SYNE2: variants seen among roughly 807,000 people sequenced by gnomAD.
The protein encoded by SYNE2 is spectrin repeat containing nuclear envelope protein 2, also known as nesprin-2.
Under a neutral mutation model 856.3 loss-of-function variants are expected in SYNE2, and 431 were observed. The ratio of observed to expected loss-of-function variants is 0.50; its 90% CI spans 0.47 to 0.55. The LOEUF is 0.55. SYNE2 is among the 20% of genes least tolerant of loss of function. The pLI, the probability that SYNE2 is intolerant of heterozygous loss-of-function variation, is 0.00. For missense variants in SYNE2, 8,129 were observed against 8,023.2 expected (o/e 1.01, Z -0.50); for synonymous variants, 2,923 against 2,872.3 (o/e 1.02, Z -0.56).
rs7140414 is a variant in SYNE2, at chr14:64,125,072, C to G, written c.13423-7C>G. 8,715 of 1,613,968 alleles carry G rather than the reference C, an allele frequency of 5.4e-3. 416 individuals are homozygous for G. The African/African-American group carries it at 0.1, about 19-fold the overall frequency. ...TGTCAGTAATAGGGTTTTCCTTTGT[C>G]AAATAGGTTTCCACAAATATGGGTA... On this transcript the variant is annotated splice_region_variant and splice_polypyrimidine_tract_variant and intron_variant, in intron 70 of 115. Transcript: ENST00000555002.
Position 64,010,060 on chromosome 14 carries a change from A to T in SYNE2, c.4672A>T (p.Ile1558Phe), listed in dbSNP as rs781515176. The change falls in exon 32 of 116, where the codon ATC (isoleucine) becomes TTC (phenylalanine). Residue 1558 changes from isoleucine to phenylalanine, a missense_variant. Coordinates refer to ENST00000555002, the MANE Select transcript of SYNE2 (RefSeq NM_182914.3). ...TTTGATTCAAAAAGAAGAGAGTGTC[A>T]TCTCCCTGCAGGCTTCGTACATGGG... is the stretch of plus-strand genomic sequence containing the variant. ...TTLIQKEESV[I>F]SLQASYMGKE... 1.2e-6 allele frequency: 2 copies of T among 1,614,090 alleles called. No individual in the cohort carries two copies. Among genetic ancestry groups the T allele is most frequent in the African/African-American group, 1.3e-5 (1 of 75,042 alleles).
chr14:63,771,745 A>G (rs1414935510), intron 1 of SYNE2, among the ~76,000 whole-genome samples: 1 of 152,058 alleles, frequency 6.6e-6, no homozygotes, highest in Non-Finnish European at 1.5e-5. Flanking sequence ...TAAAAAAATA[A>G]CGAAAATTAG....
chr14:63,924,362 A>AT (rs1338142412), intron 2 of SYNE2, among the ~76,000 whole-genome samples: 1 of 152,104 alleles, frequency 6.6e-6, no homozygotes, highest in East Asian at 1.9e-4. Context: ...TTCCATATGA[A>AT]TTTTAGGATT....
intron 38 of SYNE2, chr14:64,023,853 T>C: frequency 4.4e-6 from 1 of 224,988 alleles, no homozygotes; most frequent in African/African-American, 2.3e-5. Context: ...TTTTGTTTGC[T>C]TGTTTGCCTT....
intron 66 of SYNE2, among the ~76,000 whole-genome samples, chr14:64,114,112 A>T (rs1192820192): frequency 6.6e-6 from 1 of 152,230 alleles, no homozygotes; most frequent in Non-Finnish European, 1.5e-5. Flanking sequence ...AATTGAAGAT[A>T]CAGCATAAAA....
At chr14:63,961,376 A>G in intron 8 of SYNE2, 149 bp from the exon 9 acceptor site, 1 of 700,720 alleles carries the variant, frequency 1.4e-6, no homozygotes. Flanking sequence ...AGCAAGGCTG[A>G]GTAAACAGAG....
chr14:63,775,331 G>A (rs1354131547), intron 1 of SYNE2, among the ~76,000 whole-genome samples: 3 of 151,926 alleles, frequency 2.0e-5, no homozygotes, highest in African/African-American at 7.3e-5. Context: ...CTGGAATGCA[G>A]TGGTGTGATC....
chr14:64,020,237 G>T, intron 35 of SYNE2, 144 bp downstream of exon 35: 2 of 650,322 alleles, frequency 3.1e-6, no homozygotes, highest in South Asian at 1.8e-5. Flanking sequence ...TCTATAACAG[G>T]GGTGTCCTGT....
intron 19 of SYNE2, among the ~76,000 whole-genome samples, chr14:63,989,719 TG>T (rs1375884268): frequency 6.6e-6 from 1 of 152,190 alleles, no homozygotes; most frequent in Non-Finnish European, 1.5e-5. Context: ...AGCACAGTCT[TG>T]GCTCACTGCA....
chr14:63,814,745 C>CAT lies in SYNE2; in HGVS notation c.-304-37749_-304-37748dup, dbSNP rs1555341062. Among the ~76,000 whole-genome samples the CAT allele has an allele frequency of 7.8e-5, 6 of 77,292 alleles. No individual in the cohort carries two copies. The East Asian group carries it at 2.1e-3, about 27-fold the overall frequency. 50.7% of individuals were successfully genotyped at this position (77,292 alleles called of 152,430 possible). A position where few individuals can be genotyped will look rare whatever the true frequency, so the allele number is the denominator to read the frequency against. On this transcript the variant is annotated intron_variant, in intron 1 of 23. Coordinates refer to the SYNE2 transcript ENST00000674003. ...CCATATATATATCCATATATATATC[C>CAT]ATATATATCCATATATATATCCATA...
intron 43 of SYNE2, among the ~76,000 whole-genome samples, chr14:64,028,899 A>G (rs2097005550): frequency 6.6e-6 from 1 of 152,158 alleles, no homozygotes; most frequent in African/African-American, 2.4e-5. Context: ...GCACGTTGGG[A>G]GGCTGAGGTG....
At chr14:64,029,707 T>G (rs1304078820) in intron 43 of SYNE2, among the ~76,000 whole-genome samples, 188 bp from the exon 44 acceptor site, 4 of 152,142 alleles carry the variant, frequency 2.6e-5, no homozygotes, top group African/African-American at 7.2e-5. Context: ...GTCATTTTTT[T>G]GCGGGGGAGA....
intron 2 of SYNE2, among the ~76,000 whole-genome samples, chr14:63,920,614 C>T (rs1307371791): frequency 2.0e-5 from 3 of 150,854 alleles, no homozygotes; most frequent in South Asian, 2.1e-4. Flanking sequence ...TTCAGTGTGG[C>T]GTCTAGTCTT....
At chr14:64,079,156 A>C (rs1373521182) in intron 55 of SYNE2, among the ~76,000 whole-genome samples, 2 of 152,232 alleles carry the variant, frequency 1.3e-5, no homozygotes, top group East Asian at 3.8e-4. Context: ...TTCACAAGTA[A>C]AGGAAAGTAA....
Position 64,162,017 on chromosome 14 carries a change from T to C in SYNE2, c.16095-55T>C, listed in dbSNP as rs1046271447. The C allele has an allele frequency of 1.9e-6, 3 of 1,602,276 alleles. No homozygotes were observed. The African/African-American group carries it at 4.0e-5, about 21-fold the overall frequency. The stretch of plus-strand genomic sequence containing the variant: ...CCAGTAGAGTGTGTGCATTGTACTT[T>C]CGCTACAAGAGAAAGGAGAGAATGA... On this transcript the variant is annotated intron_variant, in intron 87 of 115. Coordinates refer to ENST00000555002, the MANE Select transcript of SYNE2 (RefSeq NM_182914.3).
intron 1 of SYNE2, among the ~76,000 whole-genome samples, chr14:63,762,661 C>T (rs1886534229): frequency 6.7e-6 from 1 of 149,836 alleles, no homozygotes; most frequent in Admixed American, 6.7e-5. Flanking sequence ...GTCTCAAACT[C>T]CTGGGCTCAA....
chr14:64,131,570 T>A (rs536484867), intron 76 of SYNE2, among the ~76,000 whole-genome samples: 8 of 151,666 alleles, frequency 5.3e-5, no homozygotes, highest in South Asian at 2.1e-4. Context: ...TTTTGTTTGT[T>A]TGTTTTTGTT....
intron 43 of SYNE2, among the ~76,000 whole-genome samples, chr14:64,029,016 G>A (rs1172897110): frequency 3.9e-5 from 6 of 152,042 alleles, no homozygotes; most frequent in Non-Finnish European, 8.8e-5. Flanking sequence ...CGCGCCTGTA[G>A]TCCCACCTAC....
In SYNE2 at chr14:63,905,954, T is replaced by C. The variant is rs573419715; in HGVS notation, c.-51-3144T>C. 1.2e-4 allele frequency among the ~76,000 whole-genome samples: 19 copies of C among 152,258 alleles called. No individual in the cohort carries two copies. In the South Asian group the frequency reaches 3.3e-3, roughly 27 times the overall value. On this transcript the variant is annotated intron_variant, in intron 1 of 115. Coordinates refer to ENST00000555002, the MANE Select transcript of SYNE2 (RefSeq NM_182914.3). The stretch of plus-strand genomic sequence containing the variant: ...TGGGTTTTTTCATAGATGGCTCTTA[T>C]TATTTTGAGGTATGTTCCTTCAATG...
Sources: gnomAD v4.1 joint callset for allele counts (sites outside exome capture counted in the v4.1 genomes callset) on GRCh38, gnomAD v4.1.1 for gene constraint, MANE v1.5 for transcripts, NCBI Gene and HGNC (gene_info 2026-07-23, HGNC 2026-07-21) for gene names.